Variants in SYDE2 observed in about 807,000 individuals in gnomAD.
SYDE2 encodes synapse defective Rho GTPase homolog 2.
A neutral mutation model predicts 91.5 loss-of-function variants in SYDE2; 76 were observed. The observed-to-expected ratio is 0.83, with a 90% CI of 0.69 to 1.01. SYDE2 has a LOEUF of 1.01. SYDE2 is among the 50% of genes least tolerant of loss of function. SYDE2 has a pLI of 0.00. For synonymous variants in SYDE2, 513 were observed against 506.4 expected, an observed-to-expected ratio of 1.01 and a Z score of -0.18; for missense variants, 1,364 against 1,367.7, an observed-to-expected ratio of 1.00 and a Z score of 0.04.
At chr1:85,184,180 C>CA (rs1658039297) in intron 2 of SYDE2, among the ~76,000 whole-genome samples, 4 of 152,204 alleles carry the variant, frequency 2.6e-5, no homozygotes, top group African/African-American at 9.6e-5. Flanking sequence ...GAAACTGGCA[C>CA]ACTCCTTCAG....
chr1:85,165,166 GGTGGTTGCA>G (rs904520518), intron 5 of SYDE2, among the ~76,000 whole-genome samples: 55 of 152,154 alleles, frequency 3.6e-4, no homozygotes, highest in African/African-American at 1.3e-3. Context: ...CCCAGGAGAT[GGTGGTTGCA>G]GTCAGCTGAG....
At chr1:85,189,746 G>C (rs1378572296) in intron 2 of SYDE2, among the ~76,000 whole-genome samples, 2 of 152,182 alleles carry the variant, frequency 1.3e-5, no homozygotes, top group Non-Finnish European at 2.9e-5. Flanking sequence ...TATGGTGGGA[G>C]GATCACCTGA....
At chr1:85,177,485 C>T (rs1348464365) in intron 4 of SYDE2, among the ~76,000 whole-genome samples, 2 of 152,110 alleles carry the variant, frequency 1.3e-5, no homozygotes, top group Non-Finnish European at 2.9e-5. Context: ...CTCCCTGAAG[C>T]TCTCTTTTTC....
intron 6 of SYDE2, among the ~76,000 whole-genome samples, chr1:85,161,592 G>C (rs1384761604): frequency 6.6e-6 from 1 of 152,040 alleles, no homozygotes; most frequent in African/African-American, 2.4e-5. Context: ...TGGGCGCAGT[G>C]GTACACGCCT....
At chr1:85,164,859 G>T in intron 5 of SYDE2, 102 bp from the exon 6 acceptor site, 2 of 690,986 alleles carry the variant, frequency 2.9e-6, no homozygotes, top group Non-Finnish European at 2.1e-6. Flanking sequence ...ACTTTTAAAA[G>T]GATTTTTTTT....
chr1:85,183,901 TGTAA>T (rs2100675287), intron 2 of SYDE2, among the ~76,000 whole-genome samples: 1 of 152,264 alleles, frequency 6.6e-6, no homozygotes, highest in Admixed American at 6.5e-5. Flanking sequence ...TTTTACATAC[TGTAA>T]GTAAATAATT....
Position 85,182,816 on chromosome 1 carries a change from G to A in SYDE2, c.1826C>T (p.Ser609Phe). 6.2e-7 allele frequency: 1 copy of A among 1,613,894 alleles called. No individual in the cohort carries two copies. The highest frequency in any genetic ancestry group is 8.5e-7 in the Non-Finnish European group (1 of 1,179,860). ...SSQQSYQKKN[S>F]MSSKYSCKGG... Reference sequence around the variant, plus strand: ...TTTGCAGGAATACTTAGAACTCATAGAGTTTTTCTTCTGGTAGCTCTGCTG... The same window carrying A: ...TTTGCAGGAATACTTAGAACTCATAAAGTTTTTCTTCTGGTAGCTCTGCTG... The change falls in exon 3 of 7, where the codon TCT (serine) becomes TTT (phenylalanine). Residue 609 changes from serine to phenylalanine, a missense_variant. Ser to Phe is a radical substitution (Grantham distance 155). Coordinates refer to ENST00000341460, the MANE Select transcript of SYDE2 (RefSeq NM_032184.2).
At position 85,163,135 on chromosome 1, in the gene SYDE2, C is replaced by T. The variant is rs1380603045; in HGVS notation, c.3085+1391G>A. Among the ~76,000 whole-genome samples, 9 of 146,566 alleles carry T rather than the reference C, an allele frequency of 6.1e-5. No individual in the cohort carries two copies. The Middle Eastern group carries it at 0.011, about 173-fold the overall frequency. On this transcript the variant is annotated intron_variant, in intron 6 of 6. Transcript: ENST00000341460. ...TTTTTTTTTTTTTTTGAGACGGAGT[C>T]TCACGCTGTCCCCCAGGCTAGAGTG...
At chr1:85,180,331 T>G (rs1657863007) in intron 3 of SYDE2, among the ~76,000 whole-genome samples, 1 of 149,808 alleles carries the variant, frequency 6.7e-6, no homozygotes, top group African/African-American at 2.5e-5. Context: ...CTACTGGGGG[T>G]GGGGAAGAGG....
rs769802715 is a variant in SYDE2, at chr1:85,182,940, C to G, written c.1702G>C (p.Glu568Gln). The G allele has an allele frequency of 6.2e-7, 1 of 1,613,804 alleles. No homozygotes were observed. Among genetic ancestry groups the G allele is most frequent in the South Asian group, 1.1e-5 (1 of 91,066 alleles). Residue 568 changes from glutamate to glutamine, a missense_variant, in exon 3 of 7, where the codon GAA becomes CAA. By Grantham distance (29) the Glu-to-Gln change is conservative. Coordinates refer to ENST00000341460, the MANE Select transcript of SYDE2 (RefSeq NM_032184.2). ...TPSLSKYNCR[E>Q]VHHTDILPSG... ...GGCAGAATATCAGTATGATGAACTT[C>G]TCGGCAGTTATATTTAGACAAAGAA... is the stretch of plus-strand genomic sequence containing the variant.
intron 6 of SYDE2, chr1:85,160,608 A>G (rs2100642566): frequency 1.0e-6 from 1 of 985,360 alleles, no homozygotes; most frequent in East Asian, 1.1e-4. Flanking sequence ...GTAATTATTC[A>G]TATTCTTTTT....
At position 85,190,676 on chromosome 1, in the gene SYDE2, T is replaced by A; in HGVS notation, c.822A>T (p.Arg274Ser). ...TGATGCTGTTAAGTGGCTTATGACC[T>A]CTGAATTCAATATTATCCTTCAGCT... The part of the protein sequence containing the change: ...LEELKDNIEF[R>S]GHKPLNSITV... The change falls in exon 2 of 7, where the codon AGA (arginine) becomes AGT (serine). Residue 274 changes from arginine (R) to serine (S), a missense_variant. Coordinates refer to ENST00000341460, the MANE Select transcript of SYDE2 (RefSeq NM_032184.2). The A allele has an allele frequency of 1.2e-6, 2 of 1,613,944 alleles. No individual in the cohort carries two copies. The highest frequency in any genetic ancestry group is 1.6e-4 in the Middle Eastern group (1 of 6,062).
Position 85,190,573 on chromosome 1 carries a change from G to C in SYDE2, c.925C>G (p.Gln309Glu). Residue 309 changes from glutamine to glutamate, a missense_variant, in exon 2 of 7, where the codon CAA (glutamine) becomes GAA (glutamate). Gln to Glu is a conservative substitution (Grantham distance 29). Coordinates refer to ENST00000341460, the MANE Select transcript of SYDE2 (RefSeq NM_032184.2). Reference protein sequence around the residue: ...LNLEEENKKCQDRSHLSISPV... With the variant: ...LNLEEENKKCEDRSHLSISPV... ...GAGATGGATAAATGACTTCTATCTT[G>C]GCATTTCTTATTTTCTTCTTCCAGA... 6.2e-7 allele frequency: 1 copy of C among 1,613,842 alleles called. No individual in the cohort carries two copies. Among genetic ancestry groups the C allele is most frequent in the Non-Finnish European group, 8.5e-7 (1 of 1,179,870 alleles).
chr1:85,160,122 CA>C (rs1657007339), intron 6 of SYDE2: 1 of 984,156 alleles, frequency 1.0e-6, no homozygotes, highest in African/African-American at 1.7e-5. Context: ...AAAGATTACC[CA>C]TAATATCTTT....
chr1:85,193,298 G>C (rs1658446919), intron 1 of SYDE2, among the ~76,000 whole-genome samples: 1 of 152,176 alleles, frequency 6.6e-6, no homozygotes, highest in Non-Finnish European at 1.5e-5. Flanking sequence ...CAGTATTTCA[G>C]ACCTTCACAG....
intron 1 of SYDE2, among the ~76,000 whole-genome samples, chr1:85,193,726 T>A (rs1240044628): frequency 6.6e-6 from 1 of 152,088 alleles, no homozygotes; most frequent in African/African-American, 2.4e-5. Context: ...CAGGCGCAAG[T>A]GATCCTCCCG....
chr1:85,176,703 A>G lies in SYDE2; in HGVS notation c.2671+1443T>C, dbSNP rs576710109. Reference sequence around the variant, plus strand: ...ACCAAAATACACAGAAGATCTGGAGATACACACTGAAGCATCTATAAATGA... The same window carrying G: ...ACCAAAATACACAGAAGATCTGGAGGTACACACTGAAGCATCTATAAATGA... On this transcript the variant is annotated intron_variant, in intron 4 of 6. Coordinates refer to ENST00000341460, the MANE Select transcript of SYDE2 (RefSeq NM_032184.2). 2.0e-5 allele frequency among the ~76,000 whole-genome samples: 3 copies of G among 152,298 alleles called. No homozygotes were observed. The South Asian group carries it at 6.2e-4, about 32-fold the overall frequency.
At position 85,200,442 on chromosome 1, in the gene SYDE2, T is replaced by A. The variant is rs757353155; in HGVS notation, c.555A>T (p.Ala185=). The change falls in exon 1 of 7, where the codon GCA becomes GCT. Residue 185 remains alanine, a synonymous_variant. Coordinates refer to ENST00000341460, the MANE Select transcript of SYDE2 (RefSeq NM_032184.2). ...ACTTCTGCAGCTTCTTGACTGTCAC[T>A]GCCGGCGGCCTGAGGAAGGAGGGGC... is the stretch of plus-strand genomic sequence containing the variant. ...QEGPSFLRPP[A]VTVKKLQKWM... is the part of the protein sequence containing the mutation. 17 of 1,613,864 alleles carry A rather than the reference T, an allele frequency of 1.1e-5. No homozygotes were observed. The highest frequency in any genetic ancestry group is 1.4e-5 in the Non-Finnish European group (16 of 1,179,896).
In SYDE2 at chr1:85,163,480, T is replaced by TATATAA. The variant is rs1216698478; in HGVS notation, c.3085+1045_3085+1046insTTATAT. 2.2e-4 allele frequency among the ~76,000 whole-genome samples: 30 copies of TATATAA among 134,652 alleles called. No individual in the cohort carries two copies. In the East Asian group the frequency reaches 4.2e-3, roughly 19 times the overall value. The allele number at this position is 134,652 out of a possible 152,430, so 88.3% of individuals were successfully genotyped here. A position where few individuals can be genotyped will look rare whatever the true frequency, so the allele number is the denominator to read the frequency against. ...ATATATATATATATATATATATATA[T>TATATAA]AACAAAAGAGTAACCAAAGACATTG... is the stretch of plus-strand genomic sequence containing the variant. On this transcript the variant is annotated intron_variant, in intron 6 of 6. Transcript: ENST00000341460.
Sources: gnomAD v4.1 joint callset for allele counts (sites outside exome capture counted in the v4.1 genomes callset) on GRCh38, gnomAD v4.1.1 for gene constraint, MANE v1.5 for transcripts, NCBI Gene and HGNC (gene_info 2026-07-23, HGNC 2026-07-21) for gene names.